DIP2C: variants seen among roughly 807,000 people sequenced by gnomAD.
DIP2C encodes the protein disco-interacting protein 2 homolog C.
A neutral mutation model predicts 192.4 loss-of-function variants in DIP2C; 33 were observed. That is an observed-to-expected ratio of 0.17 (90% confidence interval 0.13 to 0.23). The LOEUF (loss-of-function observed/expected upper bound fraction) is 0.23. DIP2C is among the 10% of genes least tolerant of loss of function. DIP2C has a pLI of 1.00. For missense variants in DIP2C, 1,537 were observed against 2,110.1 expected (o/e 0.73, Z 5.32); for synonymous variants, 979 against 864.1 (o/e 1.13, Z -2.33).
chr10:336,146 A>T (rs1397656416), intron 29 of DIP2C, among the ~76,000 whole-genome samples: 1 of 152,144 alleles, frequency 6.6e-6, no homozygotes, highest in Non-Finnish European at 1.5e-5. Context: ...AGGTGGGAGG[A>T]TAGCTTGAGC....
chr10:393,368 A>G (rs1033365980), intron 10 of DIP2C, among the ~76,000 whole-genome samples: 12 of 152,206 alleles, frequency 7.9e-5, no homozygotes, highest in African/African-American at 2.9e-4. Flanking sequence ...AAAGTTCTCT[A>G]AGACCAATAA....
chr10:562,790 C>T (rs1003172566), intron 1 of DIP2C, among the ~76,000 whole-genome samples: 1 of 152,184 alleles, frequency 6.6e-6, no homozygotes, highest in Non-Finnish European at 1.5e-5. Flanking sequence ...GAGACAGATA[C>T]ATTTGGAGAG....
chr10:651,369 C>A lies in DIP2C; in HGVS notation c.85+38125G>T. 1.4e-6 allele frequency: 1 copy of A among 701,610 alleles called. No individual in the cohort carries two copies. 43.5% of individuals were successfully genotyped at this position (701,610 alleles called of 1,614,324 possible). ...TGCATCCCCAGCACTGTGCTCAGGT[C>A]CCAGGGAGGCCCCAGCAAACTGTGG... is the stretch of plus-strand genomic sequence containing the variant. On this transcript the variant is annotated intron_variant, in intron 1 of 36. Coordinates refer to ENST00000280886, the MANE Select transcript of DIP2C (RefSeq NM_014974.3). This position sits in a 1 kb window ranked among gnomAD's most constrained non-coding sequence, Gnocchi z 4.1.
intron 1 of DIP2C, among the ~76,000 whole-genome samples, chr10:604,575 C>T (rs955398225): frequency 2.6e-5 from 4 of 152,224 alleles, no homozygotes; most frequent in African/African-American, 9.6e-5. Flanking sequence ...ACCCTGGGCC[C>T]AAGTTTAAGA....
Position 363,305 on chromosome 10 carries a change from G to A in DIP2C, c.2484C>T (p.Ala828=), listed in dbSNP as rs201574311. The change falls in exon 21 of 37, where the codon GCC becomes GCT. Residue 828 remains alanine (A), a synonymous_variant. Coordinates refer to ENST00000280886, the MANE Select transcript of DIP2C (RefSeq NM_014974.3). The surrounding 1 kb of genome is among the most constrained non-coding windows in gnomAD (Gnocchi z 5.4). ...PMKFVYRGRI[A]VFSVTVLHDE... ...CGTGCAGCACGGTCACCGAGAACAC[G>A]GCTATCCTGCGGGGACACAGGAGCA... 695 of 1,610,830 alleles carry A rather than the reference G, an allele frequency of 4.3e-4. 2 individuals carry two copies. Among genetic ancestry groups the A allele is most frequent in the South Asian group, 3.3e-3 (299 of 91,038 alleles).
At chr10:563,878 C>T (rs1203414629) in intron 1 of DIP2C, among the ~76,000 whole-genome samples, 2 of 152,218 alleles carry the variant, frequency 1.3e-5, no homozygotes, top group Non-Finnish European at 2.9e-5. Flanking sequence ...GAGTGTGAGT[C>T]ATTTTCCTTA....
At chr10:598,852 A>C (rs2131683171) in intron 1 of DIP2C, among the ~76,000 whole-genome samples, 1 of 152,364 alleles carries the variant, frequency 6.6e-6, no homozygotes, top group South Asian at 2.1e-4. Flanking sequence ...GTAACTCTGC[A>C]TCAATTATTT....
chr10:579,054 G>A lies in DIP2C; in HGVS notation c.86-92524C>T, dbSNP rs555359595. On this transcript the variant is annotated intron_variant, in intron 1 of 36. Coordinates refer to ENST00000280886, the MANE Select transcript of DIP2C (RefSeq NM_014974.3). Reference sequence around the variant, plus strand: ...ATCCAGACCCAGTGTACAAACATAAGTGCACAACATGTGTATGTGCATAGA... The same window carrying A: ...ATCCAGACCCAGTGTACAAACATAAATGCACAACATGTGTATGTGCATAGA... 3.9e-5 allele frequency among the ~76,000 whole-genome samples: 6 copies of A among 152,110 alleles called. No homozygotes were observed. In the East Asian group the frequency reaches 7.7e-4, roughly 20 times the overall value.
At chr10:351,210 T>C (rs561576510) in intron 24 of DIP2C, among the ~76,000 whole-genome samples, 1 of 152,274 alleles carries the variant, frequency 6.6e-6, no homozygotes, top group East Asian at 1.9e-4. Flanking sequence ...TATCTGGGGC[T>C]ATTCATCGGC....
chr10:593,099 TGCAATCCCAGCACTGAGAG>T (rs977606828), intron 1 of DIP2C, among the ~76,000 whole-genome samples: 18 of 152,156 alleles, frequency 1.2e-4, no homozygotes, highest in African/African-American at 3.6e-4. Context: ...GGCTCATGCC[TGCAATCCCAGCACTGAGAG>T]GCAGTCCCCA....
At chr10:435,463 C>T (rs7920349) in intron 4 of DIP2C, among the ~76,000 whole-genome samples, 1 of 152,112 alleles carries the variant, frequency 6.6e-6, no homozygotes. Context: ...GCCTCCTGGA[C>T]GTTTTAACTC....
chr10:657,874 T>TCCCTGGACCTGC (rs1856480740), intron 1 of DIP2C, among the ~76,000 whole-genome samples: 14 of 88,994 alleles, frequency 1.6e-4, no homozygotes, highest in Admixed American at 2.3e-4. Context: ...GCTGGACCTG[T>TCCCTGGACCTGC]CCCTGGACCT....
chr10:529,119 A>T (rs1307793236), intron 1 of DIP2C, among the ~76,000 whole-genome samples: 1 of 152,156 alleles, frequency 6.6e-6, no homozygotes. Context: ...GATCCGTTCA[A>T]TCCCACAATC....
At chr10:369,681 C>A (rs1216217885) in intron 17 of DIP2C, 48 bp from the exon 18 acceptor site, 1 of 1,613,686 alleles carries the variant, frequency 6.2e-7, no homozygotes, top group South Asian at 1.1e-5. Context: ...GATAAGCCAT[C>A]ACAATCACAG....
At chr10:531,452 C>G (rs12267607) in intron 1 of DIP2C, among the ~76,000 whole-genome samples, 6,221 of 152,054 alleles carry the variant, frequency 0.041, 165 homozygotes, top group East Asian at 0.076. Flanking sequence ...TTCCTCTGTA[C>G]ATCTCATGGT....
At chr10:601,889 C>T (rs904509195) in intron 1 of DIP2C, among the ~76,000 whole-genome samples, 1 of 152,164 alleles carries the variant, frequency 6.6e-6, no homozygotes, top group South Asian at 2.1e-4. Flanking sequence ...AAGGAGAGAA[C>T]GGGAGGAACC....
chr10:314,145 T>A, intron 31 of DIP2C, among the ~76,000 whole-genome samples: 1 of 152,214 alleles, frequency 6.6e-6, no homozygotes, highest in East Asian at 1.9e-4. Flanking sequence ...TGTACTCCTA[T>A]TTCCAGAAGA....
chr10:598,221 G>A (rs373716096), intron 1 of DIP2C, among the ~76,000 whole-genome samples: 2 of 152,142 alleles, frequency 1.3e-5, no homozygotes, highest in Non-Finnish European at 2.9e-5. Context: ...CAAGGGCCAC[G>A]AGGGCCTCCC....
chr10:418,649 T>C (rs187134221), intron 6 of DIP2C, among the ~76,000 whole-genome samples: 3 of 152,344 alleles, frequency 2.0e-5, no homozygotes, highest in Non-Finnish European at 2.9e-5. Flanking sequence ...CTCCAAAGTC[T>C]AAAGCAACAT....
Sources: gnomAD v4.1 joint callset for allele counts (sites outside exome capture counted in the v4.1 genomes callset) on GRCh38, gnomAD v4.1.1 for gene constraint, Gnocchi (gnomAD v3.1) non-coding constraint, MANE v1.5 for transcripts, NCBI Gene and HGNC (gene_info 2026-07-23, HGNC 2026-07-21) for gene names.